The following TTC39A variants were observed in gnomAD, a reference collection of about 807,000 sequenced individuals.
The protein encoded by TTC39A is tetratricopeptide repeat domain 39A, also known as tetratricopeptide repeat protein 39A.
TTC39A carries 46 observed loss-of-function variants against 82.3 expected under a neutral mutation model. The observed-to-expected ratio is 0.56, with a 90% CI of 0.44 to 0.71. TTC39A has a LOEUF of 0.71. Among genes scored for constraint, TTC39A ranks in the 30% least tolerant of loss-of-function variants. TTC39A has a pLI of 0.00. For synonymous variants in TTC39A, 254 were observed against 275.2 expected (o/e 0.92, Z 0.76); for missense variants, 543 against 712.9 (o/e 0.76, Z 2.71).
At position 51,306,240 on chromosome 1, in the gene TTC39A, C is replaced by T. The variant is rs145068695; in HGVS notation, c.489-164G>A. 2.6e-5 allele frequency among the ~76,000 whole-genome samples: 4 copies of T among 152,276 alleles called. No homozygotes were observed. The East Asian group carries it at 5.8e-4, about 22-fold the overall frequency. ...GAGGAATTTCGAACCCCATCTCCCA[C>T]CATGATAACACACTCCTCACCCCCT... On this transcript the variant is annotated intron_variant, in intron 6 of 17. Coordinates refer to ENST00000680483, the MANE Select transcript of TTC39A (RefSeq NM_001297663.2).
intron 8 of TTC39A, 45 bp from the exon 9 acceptor site, chr1:51,303,237 G>T: frequency 6.7e-7 from 1 of 1,502,058 alleles, no homozygotes; most frequent in Non-Finnish European, 9.0e-7. Flanking sequence ...GAGGGCAGGG[G>T]CCTGGGAGGC....
At chr1:51,327,498 C>T (rs1272921322) in intron 1 of TTC39A, among the ~76,000 whole-genome samples, 1 of 152,124 alleles carries the variant, frequency 6.6e-6, no homozygotes, top group Non-Finnish European at 1.5e-5. Flanking sequence ...CAACCCTAGA[C>T]TCAAGCTGCA....
upstream of TTC39A, chr1:51,331,543 G>A (rs1645911055): frequency 1.0e-6 from 1 of 985,396 alleles, no homozygotes; most frequent in Non-Finnish European, 1.2e-6. Flanking sequence ...AAGCAGAAGG[G>A]GACAGCCTGC....
At chr1:51,342,889 C>T (rs181350985) in intron 1 of TTC39A, 263 of 368,858 alleles carry the variant, frequency 7.1e-4, no homozygotes, top group African/African-American at 4.8e-3. Flanking sequence ...TCCTTCTTAG[C>T]GTCTACCTCC....
rs61782062 is a variant in TTC39A, at chr1:51,321,227, C to T, written c.146+494G>A. On this transcript the variant is annotated intron_variant, in intron 2 of 17. Transcript: ENST00000680483. This position sits in a 1 kb window ranked among gnomAD's most constrained non-coding sequence, Gnocchi z 4.6. Reference sequence around the variant, plus strand: ...GGTGAGTTTTACGGTATCTGAATTACATCTCAATTTTTAAAACTGAGAAAA... The same window carrying T: ...GGTGAGTTTTACGGTATCTGAATTATATCTCAATTTTTAAAACTGAGAAAA... Among the ~76,000 whole-genome samples, 13,832 of 152,238 alleles carry T rather than the reference C, an allele frequency of 0.091. 723 individuals are homozygous for T. Among genetic ancestry groups the T allele is most frequent in the Non-Finnish European group, 0.11 (7,331 of 68,028 alleles).
chr1:51,289,773 C>T (rs920189568), intron 16 of TTC39A, among the ~76,000 whole-genome samples: 11 of 152,186 alleles, frequency 7.2e-5, no homozygotes, highest in Non-Finnish European at 1.5e-4. Flanking sequence ...CTCAAAACAA[C>T]GTGGATGGAC....
In TTC39A at chr1:51,317,421, C is replaced by A. The variant is rs116856478; in HGVS notation, c.146+4300G>T. On this transcript the variant is annotated intron_variant, in intron 2 of 17. Coordinates refer to ENST00000680483, the MANE Select transcript of TTC39A (RefSeq NM_001297663.2). Reference sequence around the variant, plus strand: ...TCACAGGTGGTCTGGGGGTGGTGTGCTACTGACATTACTATTTGGAGGAAA... The same window carrying A: ...TCACAGGTGGTCTGGGGGTGGTGTGATACTGACATTACTATTTGGAGGAAA... Among the ~76,000 whole-genome samples, 20 of 152,224 alleles carry A rather than the reference C, an allele frequency of 1.3e-4. No homozygotes were observed. The East Asian group carries it at 3.7e-3, about 28-fold the overall frequency.
In TTC39A at chr1:51,288,736, C is replaced by A; in HGVS notation, c.1610+103G>T. 9.1e-7 allele frequency: 1 copy of A among 1,098,560 alleles called. No homozygotes were observed. 68.1% of individuals were successfully genotyped at this position (1,098,560 alleles called of 1,614,324 possible). The stretch of plus-strand genomic sequence containing the variant: ...CCTCTAGACTGCCAGACTGGCCTTG[C>A]TAGCAACTCCACTCACTGCTCTCTG... On this transcript the variant is annotated intron_variant, in intron 17 of 17. Transcript: ENST00000680483. The surrounding 1 kb of genome is among the most constrained non-coding windows in gnomAD (Gnocchi z 4.8).
intron 16 of TTC39A, 80 bp from the exon 17 acceptor site, chr1:51,289,035 T>C: frequency 7.3e-7 from 1 of 1,374,362 alleles, no homozygotes; most frequent in South Asian, 1.3e-5. Context: ...TAACCCGAAC[T>C]CCAATTTTGG....
At chr1:51,305,543 C>G in intron 7 of TTC39A, 1 of 305,842 alleles carries the variant, frequency 3.3e-6, no homozygotes, top group Non-Finnish European at 6.3e-6. Flanking sequence ...CCGTAGGAAA[C>G]CTTCCCCCAC....
At chr1:51,331,067 G>A (rs1342291731), upstream of TTC39A, 8 of 980,912 alleles carry the variant, frequency 8.2e-6, no homozygotes, top group Admixed American at 1.2e-4. Flanking sequence ...AGTTCACACT[G>A]CCTTCTCAAA....
chr1:51,317,850 A>G (rs775646442), intron 2 of TTC39A, among the ~76,000 whole-genome samples: 11 of 152,208 alleles, frequency 7.2e-5, no homozygotes, highest in Non-Finnish European at 1.0e-4. Flanking sequence ...CCCACGTGAG[A>G]TAACAGGTGG....
rs761384231 is a variant in TTC39A, at chr1:51,288,852, A to G, written c.1597T>C (p.Leu533=). ...CCCAAGCCTTACTTGGCAGATTCCA[A>G]AAGTTTGATGGCCTCTTCGTTTCTG... ...QDRNEEAIKL[L]ESAKQNYKNY... is the part of the protein sequence containing the mutation. The change falls in exon 17 of 18, where the codon TTG becomes CTG. Residue 533 remains leucine, a synonymous_variant. Transcript: ENST00000680483. This position sits in a 1 kb window ranked among gnomAD's most constrained non-coding sequence, Gnocchi z 4.8. The G allele has an allele frequency of 3.2e-5, 51 of 1,607,770 alleles. No individual in the cohort carries two copies. The highest frequency in any genetic ancestry group is 1.0e-4 in the South Asian group (9 of 89,434).
rs1032924744 is a variant in TTC39A at position 51,294,339 on chromosome 1, TCC to T, written c.1266+50_1266+51del. 81 of 1,608,198 alleles carry T rather than the reference TCC, an allele frequency of 5.0e-5. No individual in the cohort carries two copies. Among genetic ancestry groups the T allele is most frequent in the Non-Finnish European group, 6.6e-5 (78 of 1,175,770 alleles). On this transcript the variant is annotated intron_variant, in intron 14 of 17. Coordinates refer to ENST00000680483, the MANE Select transcript of TTC39A (RefSeq NM_001297663.2). This position sits in a 1 kb window ranked among gnomAD's most constrained non-coding sequence, Gnocchi z 4.3. ...CCCCCTGGCTGTGGCTCTCAGTGAATCCCCACAATCCTATACCCGGAGGGCAG... is the reference window on the plus strand; with the variant it reads ...CCCCCTGGCTGTGGCTCTCAGTGAATCCACAATCCTATACCCGGAGGGCAG...
chr1:51,340,978 C>T (rs1392114439), intron 1 of TTC39A, among the ~76,000 whole-genome samples: 1 of 152,136 alleles, frequency 6.6e-6, no homozygotes. Context: ...TTGAGACCAG[C>T]CTGGCCAACA....
Position 51,329,454 on chromosome 1 carries a change from C to T in TTC39A, c.41+983G>A, listed in dbSNP as rs181568460. ...AATGATGAAGCTGAAACTCACCAGG[C>T]AACCCTCTCCCAGGCCAGGGTGTCC... On this transcript the variant is annotated intron_variant, in intron 1 of 17. Transcript: ENST00000680483. 2.6e-3 allele frequency among the ~76,000 whole-genome samples: 392 copies of T among 152,344 alleles called. 4 individuals carry two copies. Among genetic ancestry groups the T allele is most frequent in the Non-Finnish European group, 3.5e-3 (237 of 68,032 alleles).
Position 51,309,322 on chromosome 1 carries a change from C to T in TTC39A, c.427G>A (p.Glu143Lys), listed in dbSNP as rs746844341. ...QRAALTFLQD[E>K]NMVSFIKGGI... ...CCTTTGATGAAGCTCACCATGTTCT[C>T]GTCCTGCAGGAGGAAAAGATGCTGA... The change falls in exon 6 of 18, where the codon GAG becomes AAG. Residue 143 changes from glutamate (E) to lysine (K), a missense_variant. Physicochemically the swap from Glu to Lys is moderately conservative, Grantham distance 56. Coordinates refer to ENST00000680483, the MANE Select transcript of TTC39A (RefSeq NM_001297663.2). 16 of 1,612,944 alleles carry T rather than the reference C, an allele frequency of 9.9e-6. No individual in the cohort carries two copies. Among genetic ancestry groups the T allele is most frequent in the Admixed American group, 1.7e-5 (1 of 59,806 alleles).
Position 51,305,969 on chromosome 1 carries a change from G to C in TTC39A, c.588+8C>G. Reference sequence around the variant, plus strand: ...CAGGTGCTGTGGAAATGGAGGAGGAGCACTCACCAGGTTGAAGGCCCCTAC... The same window carrying C: ...CAGGTGCTGTGGAAATGGAGGAGGACCACTCACCAGGTTGAAGGCCCCTAC... On this transcript the variant is annotated splice_region_variant and intron_variant, in intron 7 of 17. Transcript: ENST00000680483. 6.2e-7 allele frequency: 1 copy of C among 1,613,418 alleles called. No homozygotes were observed. Among genetic ancestry groups the C allele is most frequent in the African/African-American group, 1.3e-5 (1 of 75,030 alleles).
chr1:51,305,909 T>C, intron 7 of TTC39A, 68 bp downstream of exon 7: 1 of 1,486,482 alleles, frequency 6.7e-7, no homozygotes, highest in Non-Finnish European at 9.4e-7. Context: ...TGACCACACA[T>C]GAGTCAGGGA....
Sources: gnomAD v4.1 joint callset for allele counts (sites outside exome capture counted in the v4.1 genomes callset) on GRCh38, gnomAD v4.1.1 for gene constraint, Gnocchi (gnomAD v3.1) non-coding constraint, MANE v1.5 for transcripts, NCBI Gene and HGNC (gene_info 2026-07-23, HGNC 2026-07-21) for gene names.